Variants in RBFOX1 observed in about 807,000 individuals in gnomAD.
RBFOX1 encodes the protein RNA binding fox-1 homolog 1.
A neutral mutation model predicts 57.7 loss-of-function variants in RBFOX1; 8 were observed. The observed-to-expected ratio is 0.14, with a 90% confidence interval of 0.08 to 0.25. The LOEUF (loss-of-function observed/expected upper bound fraction) is 0.25, where lower values mean the gene tolerates loss of function less well. Ranked by LOEUF, RBFOX1 falls within the 10% of genes least tolerant of loss-of-function variation. The pLI is 1.00. For missense variants in RBFOX1, 611 were observed against 548.5 expected, an observed-to-expected ratio of 1.11 and a Z score of -1.14; for synonymous variants, 326 against 222.4, an observed-to-expected ratio of 1.47 and a Z score of -4.15.
At chr16:6,329,808 C>G (rs2082790961) in intron 2 of RBFOX1, among the ~76,000 whole-genome samples, 1 of 152,084 alleles carries the variant, frequency 6.6e-6, no homozygotes, top group African/African-American at 2.4e-5. Flanking sequence ...AATAGTGTCA[C>G]ACACCTGTAA....
intron 2 of RBFOX1, among the ~76,000 whole-genome samples, chr16:6,437,266 A>C (rs1038968522): frequency 6.6e-6 from 1 of 152,188 alleles, no homozygotes; most frequent in Non-Finnish European, 1.5e-5. Context: ...ACTGACCTGC[A>C]TTTACTTTAT....
In RBFOX1 at chr16:5,268,656, T is replaced by A. The variant is rs2062923897; in HGVS notation, c.219+28551T>A. ...GCCATGTGCACTAGAGACCAGTCAA[T>A]GTGCCCTCATGGCACCATTTCTGCC... is the stretch of plus-strand genomic sequence containing the variant. On this transcript the variant is annotated intron_variant, in intron 1 of 2. Coordinates refer to the RBFOX1 transcript ENST00000585867. Among the ~76,000 whole-genome samples, 4 of 152,248 alleles carry A rather than the reference T, an allele frequency of 2.6e-5. No individual in the cohort carries two copies. In the South Asian group the frequency reaches 8.3e-4, roughly 31 times the overall value.
chr16:5,687,153 A>T (rs988229652), intron 3 of RBFOX1, among the ~76,000 whole-genome samples: 29 of 152,204 alleles, frequency 1.9e-4, no homozygotes, highest in African/African-American at 7.0e-4. Context: ...AAAATGGACT[A>T]ATAAACCCTC....
intron 1 of RBFOX1, among the ~76,000 whole-genome samples, chr16:5,339,356 C>T (rs1403751705): frequency 6.6e-6 from 1 of 151,414 alleles, no homozygotes; most frequent in African/African-American, 2.4e-5. Flanking sequence ...GGGTTTCTGT[C>T]ACTTTCAACC....
chr16:5,596,441 T>C (rs992011398), intron 2 of RBFOX1, among the ~76,000 whole-genome samples: 2 of 152,186 alleles, frequency 1.3e-5, no homozygotes, highest in Non-Finnish European at 2.9e-5. Context: ...CAGTGACCAT[T>C]TCCATGGGTC....
chr16:6,248,917 T>C (rs1367317750), intron 1 of RBFOX1, among the ~76,000 whole-genome samples: 1 of 152,184 alleles, frequency 6.6e-6, no homozygotes, highest in Non-Finnish European at 1.5e-5. Context: ...TTTGCTGTTA[T>C]TACTTGCATT....
chr16:5,511,768 T>G (rs1410252733), intron 2 of RBFOX1, among the ~76,000 whole-genome samples: 1 of 152,224 alleles, frequency 6.6e-6, no homozygotes, highest in African/African-American at 2.4e-5. Flanking sequence ...ATTCACCATG[T>G]GATGCTTTAT....
At chr16:6,965,659 T>C (rs1359068635) in intron 3 of RBFOX1, among the ~76,000 whole-genome samples, 1 of 152,178 alleles carries the variant, frequency 6.6e-6, no homozygotes, top group African/African-American at 2.4e-5. Context: ...TTTCACTGAG[T>C]TCTGGAAAAT....
rs566640043 is a variant in RBFOX1 at position 6,590,223 on chromosome 16, T to C, written c.-63-64380T>C. Among the ~76,000 whole-genome samples, 8 of 152,344 alleles carry C rather than the reference T, an allele frequency of 5.3e-5. No individual in the cohort carries two copies. The South Asian group carries it at 1.7e-3, about 32-fold the overall frequency. ...TTAGAATTTCAAGAGCTATTACTTTTCTTTGATTCAGTTCGATTATCTTTC... is the reference window on the plus strand; with the variant it reads ...TTAGAATTTCAAGAGCTATTACTTTCCTTTGATTCAGTTCGATTATCTTTC... On this transcript the variant is annotated intron_variant, in intron 2 of 15. Coordinates refer to ENST00000550418, the MANE Select transcript of RBFOX1 (RefSeq NM_018723.4).
chr16:5,344,327 G>A (rs1302168253), intron 1 of RBFOX1, among the ~76,000 whole-genome samples: 1 of 152,172 alleles, frequency 6.6e-6, no homozygotes, highest in African/African-American at 2.4e-5. Context: ...CATCAGCTGT[G>A]TCATTGGTAG....
At chr16:6,818,841 A>T (rs1319296231) in intron 3 of RBFOX1, among the ~76,000 whole-genome samples, 1 of 152,196 alleles carries the variant, frequency 6.6e-6, no homozygotes, top group African/African-American at 2.4e-5. Context: ...CATATCGCCC[A>T]ACTCAGTCCA....
At chr16:7,059,514 T>A (rs1021668318) in intron 4 of RBFOX1, among the ~76,000 whole-genome samples, 1 of 152,176 alleles carries the variant, frequency 6.6e-6, no homozygotes, top group African/African-American at 2.4e-5. Context: ...GGAAAAGACA[T>A]GCATTTGTCA....
chr16:7,529,734 C>G (rs576406576), intron 5 of RBFOX1, among the ~76,000 whole-genome samples: 36 of 152,210 alleles, frequency 2.4e-4, no homozygotes, highest in African/African-American at 8.7e-4. Context: ...TTAGGCTGGG[C>G]ATGGTAGCTC....
intron 3 of RBFOX1, among the ~76,000 whole-genome samples, chr16:5,856,575 G>GTATATATATATATATATGTATATATATA (rs2057071482): frequency 6.1e-5 from 2 of 32,926 alleles, no homozygotes; most frequent in African/African-American, 2.5e-4. Flanking sequence ...GTGTGTGTGT[G>GTATATATATATATATATGTATATATATA]TATATATATA....
At chr16:7,451,014 G>A (rs1304960591) in intron 4 of RBFOX1, among the ~76,000 whole-genome samples, 5 of 152,170 alleles carry the variant, frequency 3.3e-5, no homozygotes, top group African/African-American at 4.8e-5. Context: ...TAAGACCTGG[G>A]CTTCGCTTCT....
intron 4 of RBFOX1, among the ~76,000 whole-genome samples, chr16:7,511,582 C>T (rs1175821570): frequency 6.6e-6 from 1 of 152,072 alleles, no homozygotes; most frequent in African/African-American, 2.4e-5. Context: ...GATAGCCAGG[C>T]TATTTCATGC....
intron 1 of RBFOX1, among the ~76,000 whole-genome samples, chr16:6,074,020 C>A (rs540625666): frequency 6.6e-6 from 1 of 152,236 alleles, no homozygotes; most frequent in East Asian, 1.9e-4. Context: ...GCAATCTCAG[C>A]TCACTGCAAG....
intron 3 of RBFOX1, among the ~76,000 whole-genome samples, chr16:5,852,104 C>T (rs1336974154): frequency 2.6e-5 from 4 of 152,282 alleles, no homozygotes; most frequent in Non-Finnish European, 4.4e-5. Context: ...GCAGAGTGAT[C>T]AGAATGATCC....
chr16:5,846,202 T>G (rs2056753396), intron 3 of RBFOX1, among the ~76,000 whole-genome samples: 1 of 151,492 alleles, frequency 6.6e-6, no homozygotes, highest in African/African-American at 2.4e-5. Flanking sequence ...AAAAAAGAAT[T>G]TAGTGAATTT....
Sources: allele counts gnomAD v4.1 joint callset (sites outside exome capture counted in the v4.1 genomes callset), GRCh38; gene constraint gnomAD v4.1.1; transcripts MANE v1.5; gene names NCBI Gene and HGNC (gene_info 2026-07-23, HGNC 2026-07-21).